PLIN4: variants seen among roughly 807,000 people sequenced by gnomAD.
PLIN4 encodes perilipin-4.
In PLIN4, 57 loss-of-function variants were observed where a neutral mutation model predicts 52.4. The ratio of observed to expected loss-of-function variants is 1.09; its 90% CI spans 0.88 to 1.36. The LOEUF (loss-of-function observed/expected upper bound fraction) is 1.36. Ranked by LOEUF, PLIN4 falls within the 40% of genes most tolerant of loss-of-function variation. PLIN4 has a pLI of 0.00. For synonymous variants in PLIN4, 826 were observed against 785.4 expected (o/e 1.05, Z -0.86); for missense variants, 1,757 against 1,770.3 (o/e 0.99, Z 0.13).
intron 5 of PLIN4, 78 bp from the exon 6 acceptor site, chr19:4,509,033 GGC>G: frequency 7.1e-7 from 1 of 1,405,084 alleles, no homozygotes; most frequent in Admixed American, 2.4e-5. Flanking sequence ...GTGAGGGCCG[GGC>G]GCGGCGGTTC....
At position 4,503,455 on chromosome 19, in the gene PLIN4, C is replaced by G. The variant is rs1212244180; in HGVS notation, c.*1004G>C. 1 of 152,662 alleles carries G rather than the reference C, an allele frequency of 6.6e-6. No homozygotes were observed. The highest frequency in any genetic ancestry group is 6.5e-5 in the Admixed American group (1 of 15,288). The allele number at this position is 152,662 out of a possible 1,614,324, so 9.5% of individuals were successfully genotyped here. Reference sequence around the variant, plus strand: ...TCTGATGCCTGCAGCCTCCCCAGCCCCGCTTCCTCTGCAGCCCGGCGCTTG... The same window carrying G: ...TCTGATGCCTGCAGCCTCCCCAGCCGCGCTTCCTCTGCAGCCCGGCGCTTG... On this transcript the variant is annotated 3_prime_UTR_variant, in exon 8 of 8. Transcript: ENST00000301286.
chr19:4,510,962 C>G lies in PLIN4; in HGVS notation c.2998G>C (p.Gly1000Arg). ...LMGTKDTVFS[G>R]VTGAMSMAKG... Reference sequence around the variant, plus strand: ...GCCATGCTCATGGCACCGGTAACCCCACTGAAGACAGTGTCCTTGGTACCC... The same window carrying G: ...GCCATGCTCATGGCACCGGTAACCCGACTGAAGACAGTGTCCTTGGTACCC... Residue 1000 changes from glycine to arginine, a missense_variant, in exon 5 of 8, where the codon GGG (glycine) becomes CGG (arginine). Coordinates refer to ENST00000301286, the MANE Select transcript of PLIN4 (RefSeq NM_001367868.2). 6.2e-7 allele frequency: 1 copy of G among 1,613,346 alleles called. No individual in the cohort carries two copies.
Position 4,513,687 on chromosome 19 carries a change from G to A in PLIN4, c.273C>T (p.Ala91=). ...ACATCTTGGAACACACCAGGTCTTTGGCCCCGGACACCATCTGCTGAGAAA... is the reference window on the plus strand; with the variant it reads ...ACATCTTGGAACACACCAGGTCTTTAGCCCCGGACACCATCTGCTGAGAAA... ...LQPSEKMVSG[A]KDLVCSKMSR... Residue 91 remains alanine (A), a synonymous_variant, in exon 5 of 8, where the codon GCC becomes GCT. Transcript: ENST00000301286. 1 of 1,580,004 alleles carries A rather than the reference G, an allele frequency of 6.3e-7. No homozygotes were observed.
In PLIN4 at chr19:4,512,249, C is replaced by T. The variant is rs1976411650; in HGVS notation, c.1711G>A (p.Gly571Arg). The change falls in exon 5 of 8, where the codon GGG becomes AGG. Residue 571 changes from glycine to arginine, a missense_variant. Gly to Arg is a moderately radical substitution (Grantham distance 125). Transcript: ENST00000301286. ...GCCACATTCGCTGCCCCCGTGAGCC[C>T]AGTGGACATCGTGTCTTTTGTACCT... is the stretch of plus-strand genomic sequence containing the variant. The part of the protein sequence containing the change: ...VIGTKDTMST[G>R]LTGAANVAKG... The T allele has an allele frequency of 6.2e-7, 1 of 1,612,818 alleles. No homozygotes were observed. The highest frequency in any genetic ancestry group is 8.5e-7 in the Non-Finnish European group (1 of 1,179,792).
chr19:4,510,534 G>A lies in PLIN4; in HGVS notation c.3426C>T (p.Gly1142=). The A allele has an allele frequency of 2.0e-6, 3 of 1,491,184 alleles. No individual in the cohort carries two copies. The highest frequency in any genetic ancestry group is 1.4e-5 in the South Asian group (1 of 69,554). 92.4% of individuals were successfully genotyped at this position (1,491,184 alleles called of 1,614,324 possible). A position where few individuals can be genotyped will look rare whatever the true frequency, so the allele number is the denominator to read the frequency against. ...TTGCCAAGCGTGGGGCTTCTTCGGG[G>A]CCGTGTGTGGTGGCCAAAAGCCCCG... is the stretch of plus-strand genomic sequence containing the variant. The part of the protein sequence containing the change: ...EDTGLLATTH[G]PEEAPRLAML... The change falls in exon 5 of 8, where the codon GGC becomes GGT. Residue 1142 remains glycine (G), a synonymous_variant. Transcript: ENST00000301286.
In PLIN4 at chr19:4,510,558, C is replaced by A; in HGVS notation, c.3402G>T (p.Thr1134=). The change falls in exon 5 of 8, where the codon ACG becomes ACT. Residue 1134 remains threonine, a synonymous_variant. Transcript: ENST00000301286. ...GGCCGTGTGTGGTGGCCAAAAGCCCCGTGTCCTCCCTGCCTGGGGCGGCCC... is the reference window on the plus strand; with the variant it reads ...GGCCGTGTGTGGTGGCCAAAAGCCCAGTGTCCTCCCTGCCTGGGGCGGCCC... The part of the protein sequence containing the change: ...TQGAAPGRED[T]GLLATTHGPE... The A allele has an allele frequency of 6.7e-7, 1 of 1,499,688 alleles. No homozygotes were observed. 92.9% of individuals were successfully genotyped at this position (1,499,688 alleles called of 1,614,324 possible). A position where few individuals can be genotyped will look rare whatever the true frequency, so the allele number is the denominator to read the frequency against.
chr19:4,518,395 G>A lies in PLIN4; in HGVS notation c.-28C>T. 8.1e-7 allele frequency: 1 copy of A among 1,230,770 alleles called. No homozygotes were observed. The allele number at this position is 1,230,770 out of a possible 1,614,324, so 76.2% of individuals were successfully genotyped here. On this transcript the variant is annotated 5_prime_UTR_variant, in exon 1 of 8. Transcript: ENST00000301286. ...CAGCCCGACACCCACCTGCAGGCCT[G>A]GCCTCACCCTGGTGTCACCGAAGCA... is the stretch of plus-strand genomic sequence containing the variant.
Position 4,502,755 on chromosome 19 carries a change from G to A in PLIN4, c.*1704C>T, listed in dbSNP as rs1975961364. 6.5e-6 allele frequency: 1 copy of A among 154,372 alleles called. No individual in the cohort carries two copies. The highest frequency in any genetic ancestry group is 2.4e-5 in the African/African-American group (1 of 41,450). 9.6% of individuals were successfully genotyped at this position (154,372 alleles called of 1,614,324 possible). A position where few individuals can be genotyped will look rare whatever the true frequency, so the allele number is the denominator to read the frequency against. On this transcript the variant is annotated 3_prime_UTR_variant, in exon 8 of 8. Transcript: ENST00000301286. ...GGCTTCTCTTTCCTCCTCTGCATAA[G>A]GGGCTGTCACGTGGGCACGGTCCCA...
chr19:4,507,005 T>C (rs1976114904), intron 6 of PLIN4, among the ~76,000 whole-genome samples: 1 of 152,172 alleles, frequency 6.6e-6, no homozygotes, highest in Non-Finnish European at 1.5e-5. Context: ...CCCTGGGCAC[T>C]GCAGGGTGCT....
In PLIN4 at chr19:4,502,618, G is replaced by A. The variant is rs60307371; in HGVS notation, c.*1841C>T. 6.7e-3 allele frequency: 1,353 copies of A among 202,650 alleles called. 18 individuals carry two copies. Among genetic ancestry groups the A allele is most frequent in the African/African-American group, 0.027 (1,142 of 41,812 alleles). The allele number at this position is 202,650 out of a possible 1,614,324, so 12.6% of individuals were successfully genotyped here. On this transcript the variant is annotated 3_prime_UTR_variant, in exon 8 of 8. Coordinates refer to ENST00000301286, the MANE Select transcript of PLIN4 (RefSeq NM_001367868.2). ...CCTTCCCTGAGAGCCGCTGCTAGCC[G>A]ACAGTGGTCTCCAGCGTTCAGGGAG... is the stretch of plus-strand genomic sequence containing the variant.
intron 2 of PLIN4, 100 bp downstream of exon 2, chr19:4,518,122 C>G (rs117199204): frequency 9.6e-7 from 1 of 1,037,908 alleles, no homozygotes; most frequent in Non-Finnish European, 1.2e-6. Context: ...CAGGGAAGCA[C>G]CTCTCCAGAT....
At chr19:4,513,837 G>T in intron 4 of PLIN4, 136 bp from the exon 5 acceptor site, 1 of 1,151,756 alleles carries the variant, frequency 8.7e-7, no homozygotes, top group Non-Finnish European at 1.2e-6. Flanking sequence ...TCCTCAAAAA[G>T]CAAGCTGCTT....
intron 6 of PLIN4, among the ~76,000 whole-genome samples, chr19:4,505,180 G>A (rs915141380): frequency 1.3e-5 from 2 of 152,144 alleles, no homozygotes; most frequent in African/African-American, 4.8e-5. Flanking sequence ...GTGGGGTCGT[G>A]TCACTCCTCA....
At position 4,511,168 on chromosome 19, in the gene PLIN4, A is replaced by G; in HGVS notation, c.2792T>C (p.Val931Ala). ...KTVLTGTKDT[V>A]CSGVTGAVNV... ...TACGGCACCAGTGACTCCACTGCAG[A>G]CGGTGTCCTTGGTACCGGTCAGGAC... The change falls in exon 5 of 8, where the codon GTC becomes GCC. Residue 931 changes from valine to alanine, a missense_variant. Transcript: ENST00000301286. The G allele has an allele frequency of 6.2e-7, 1 of 1,612,352 alleles. No homozygotes were observed. The highest frequency in any genetic ancestry group is 8.5e-7 in the Non-Finnish European group (1 of 1,178,958).
intron 5 of PLIN4, among the ~76,000 whole-genome samples, chr19:4,509,354 C>T (rs942274701): frequency 8.1e-5 from 11 of 136,172 alleles, no homozygotes; most frequent in Middle Eastern, 4.6e-3. Flanking sequence ...CGGTGGCTCA[C>T]GCCCGTAATC....
At chr19:4,516,557 C>T in intron 4 of PLIN4, 60 bp downstream of exon 4, 14 of 1,541,194 alleles carry the variant, frequency 9.1e-6, no homozygotes, top group South Asian at 1.2e-5. Flanking sequence ...TGAAATGTCG[C>T]AGGAGGGGGC....
In PLIN4 at chr19:4,510,573, T is replaced by C. The variant is rs1976264682; in HGVS notation, c.3387A>G (p.Pro1129=). ...CCAAAAGCCCCGTGTCCTCCCTGCC[T>C]GGGGCGGCCCCTTGGGTGAACGTCG... ...DVATFTQGAA[P]GREDTGLLAT... Residue 1129 remains proline, a synonymous_variant, in exon 5 of 8, where the codon CCA becomes CCG. Coordinates refer to ENST00000301286, the MANE Select transcript of PLIN4 (RefSeq NM_001367868.2). 1 of 1,501,130 alleles carries C rather than the reference T, an allele frequency of 6.7e-7. No individual in the cohort carries two copies. The highest frequency in any genetic ancestry group is 8.9e-7 in the Non-Finnish European group (1 of 1,125,570). 93.0% of individuals were successfully genotyped at this position (1,501,130 alleles called of 1,614,324 possible).
chr19:4,508,948 C>T lies in PLIN4; in HGVS notation c.3522G>A (p.Leu1174=), dbSNP rs112037560. 31,826 of 1,610,276 alleles carry T rather than the reference C, an allele frequency of 0.02. 730 individuals carry two copies. The highest frequency in any genetic ancestry group is 0.098 in the African/African-American group (7,361 of 74,988). The part of the protein sequence containing the change: ...HPMNAEEQAQ[L]AASQPGPKVL... ...CCTTTGGCCCAGGCTGGGAGGCAGC[C>T]AGCTGAGCTGGAAAGGAAGGCGCAC... The change falls in exon 6 of 8, where the codon CTG becomes CTA. Residue 1174 remains leucine, a synonymous_variant. Coordinates refer to ENST00000301286, the MANE Select transcript of PLIN4 (RefSeq NM_001367868.2).
chr19:4,506,183 C>T (rs760854532), intron 6 of PLIN4, among the ~76,000 whole-genome samples: 6 of 152,216 alleles, frequency 3.9e-5, no homozygotes, highest in Non-Finnish European at 8.8e-5. Context: ...CCCTCCAGGG[C>T]TCCCAACTCC....
Sources: allele counts gnomAD v4.1 joint callset (sites outside exome capture counted in the v4.1 genomes callset), GRCh38; gene constraint gnomAD v4.1.1; transcripts MANE v1.5; gene names NCBI Gene and HGNC (gene_info 2026-07-23, HGNC 2026-07-21).